The following ORC3 variants were observed in gnomAD, a reference collection of about 807,000 sequenced individuals.
ORC3 encodes origin recognition complex subunit 3, also known as homolog of latheo, Drosophila.
A neutral mutation model predicts 100.7 loss-of-function variants in ORC3; 78 were observed. The ratio of observed to expected loss-of-function variants is 0.77; its 90% CI spans 0.65 to 0.94. The LOEUF (loss-of-function observed/expected upper bound fraction) is 0.94, where lower values mean the gene tolerates loss of function less well. Ranked by LOEUF, ORC3 falls within the 40% of genes least tolerant of loss-of-function variation. The probability of loss-of-function intolerance (pLI) is 0.00; values close to 1 mark genes in which losing one functional copy is unlikely to be tolerated. For synonymous variants in ORC3, 295 were observed against 289.3 expected (o/e 1.02, Z -0.20); for missense variants, 789 against 823.9 (o/e 0.96, Z 0.52).
intron 13 of ORC3, among the ~76,000 whole-genome samples, chr6:87,643,073 CA>C (rs1304322800): frequency 1.9e-4 from 29 of 152,132 alleles, no homozygotes; most frequent in African/African-American, 7.0e-4. Context: ...AGGCTTGGGA[CA>C]GAATTGTTAA....
intron 16 of ORC3, among the ~76,000 whole-genome samples, chr6:87,658,735 C>G (rs960602874): frequency 6.6e-6 from 1 of 152,100 alleles, no homozygotes; most frequent in African/African-American, 2.4e-5. Context: ...CTATTTTATC[C>G]TGAAGAAAGA....
chr6:87,673,109 CA>C, the ORC3 span, among the ~76,000 whole-genome samples: 242 of 145,968 alleles, frequency 1.7e-3, 1 homozygote, highest in African/African-American at 5.9e-3. Flanking sequence ...AGGACTTTTG[CA>C]TAAGTGATAA....
chr6:87,651,222 C>G (rs189058822), intron 13 of ORC3: 44 of 456,228 alleles, frequency 9.6e-5, no homozygotes, highest in Non-Finnish European at 9.7e-5. Flanking sequence ...TCAAAGTGGA[C>G]AAGAGCTGTT....
chr6:87,627,066 C>T (rs931034484), intron 11 of ORC3, among the ~76,000 whole-genome samples: 1 of 151,534 alleles, frequency 6.6e-6, no homozygotes, highest in South Asian at 2.1e-4. Flanking sequence ...GGCGTTATCT[C>T]GGCTCACTGC....
chr6:87,634,218 G>GATTT (rs1012566331), intron 11 of ORC3, among the ~76,000 whole-genome samples: 1 of 151,906 alleles, frequency 6.6e-6, no homozygotes, highest in Non-Finnish European at 1.5e-5. Context: ...GTTGGCTTCA[G>GATTT]ATTTATTTAT....
chr6:87,677,054 G>C, the ORC3 span, among the ~76,000 whole-genome samples: 1 of 151,410 alleles, frequency 6.6e-6, no homozygotes, highest in South Asian at 2.1e-4. Flanking sequence ...TCCAGCCTTG[G>C]GTGACAGAGT....
chr6:87,626,805 T>G (rs1036540591), intron 11 of ORC3, among the ~76,000 whole-genome samples: 2 of 147,600 alleles, frequency 1.4e-5, no homozygotes, highest in Non-Finnish European at 3.0e-5. Flanking sequence ...AAAAAAAAAG[T>G]AGGATAATAA....
intron 4 of ORC3, among the ~76,000 whole-genome samples, chr6:87,604,241 T>G (rs1252965518): frequency 6.6e-6 from 1 of 152,214 alleles, no homozygotes; most frequent in African/African-American, 2.4e-5. Context: ...AGATTTGTTA[T>G]GCTAGTTAGC....
At chr6:87,626,342 T>C (rs554710286) in intron 11 of ORC3, among the ~76,000 whole-genome samples, 3 of 152,332 alleles carry the variant, frequency 2.0e-5, no homozygotes, top group East Asian at 1.9e-4. Flanking sequence ...TCCATTTGTT[T>C]GTGTCCTCTT....
the ORC3 span, among the ~76,000 whole-genome samples, chr6:87,676,596 A>AACACACGCACGCGCGCGCACATACAC: frequency 2.8e-5 from 4 of 142,046 alleles, no homozygotes; most frequent in African/African-American, 1.1e-4. Flanking sequence ...CTCTACTAAA[A>AACACACGCACGCGCGCGCACATACAC]ACACACACAC....
intron 8 of ORC3, among the ~76,000 whole-genome samples, chr6:87,613,810 G>C (rs960242428): frequency 6.6e-6 from 1 of 152,208 alleles, no homozygotes; most frequent in East Asian, 1.9e-4. Context: ...GCAAGAGGTG[G>C]GTTCCCATGG....
At chr6:87,602,954 A>ATATATATATATATATATATATAT (rs1554236515) in intron 3 of ORC3, among the ~76,000 whole-genome samples, 3 of 95,300 alleles carry the variant, frequency 3.1e-5, no homozygotes, top group Non-Finnish European at 6.2e-5. Flanking sequence ...ACACATATAT[A>ATATATATATATATATATATATAT]ATATATATAT....
At chr6:87,637,587 T>C (rs557098009) in intron 13 of ORC3, among the ~76,000 whole-genome samples, 18 of 152,316 alleles carry the variant, frequency 1.2e-4, no homozygotes, top group African/African-American at 4.1e-4. Flanking sequence ...AATATACCTA[T>C]CTTATATACC....
intron 4 of ORC3, 54 bp downstream of exon 4, chr6:87,603,582 A>T (rs1778127667): frequency 5.1e-6 from 6 of 1,181,340 alleles, no homozygotes; most frequent in Admixed American, 2.4e-5. Flanking sequence ...TCGTTTTTAA[A>T]TTTTTTTTTA....
At chr6:87,667,884 G>A, downstream of ORC3, among the ~76,000 whole-genome samples, 1 of 151,952 alleles carries the variant, frequency 6.6e-6, no homozygotes, top group East Asian at 1.9e-4. Flanking sequence ...AACTGAGATC[G>A]GCCACTGCAC....
intron 14 of ORC3, among the ~76,000 whole-genome samples, chr6:87,653,752 G>T (rs1190570824): frequency 6.6e-6 from 1 of 152,168 alleles, no homozygotes. Flanking sequence ...ACTTTAATCG[G>T]ATTTACAAAA....
chr6:87,604,044 AGG>A (rs1778162683), intron 4 of ORC3, among the ~76,000 whole-genome samples: 2 of 152,206 alleles, frequency 1.3e-5, no homozygotes, highest in African/African-American at 2.4e-5. Context: ...TTCAAATTGC[AGG>A]TTGTAAATTT....
intron 13 of ORC3, among the ~76,000 whole-genome samples, chr6:87,644,343 C>T (rs769995180): frequency 2.4e-4 from 29 of 119,762 alleles, no homozygotes; most frequent in African/African-American, 8.7e-4. Flanking sequence ...CTGCCTGCCT[C>T]GGCCTCCCAA....
intron 13 of ORC3, among the ~76,000 whole-genome samples, chr6:87,639,236 G>A (rs1768040011): frequency 6.6e-6 from 1 of 152,156 alleles, no homozygotes; most frequent in Admixed American, 6.5e-5. Flanking sequence ...AAGCTGACAT[G>A]TTTAAATAAC....
Sources: gnomAD v4.1 joint callset for allele counts (sites outside exome capture counted in the v4.1 genomes callset) on GRCh38, gnomAD v4.1.1 for gene constraint, MANE v1.5 for transcripts, NCBI Gene and HGNC (gene_info 2026-07-23, HGNC 2026-07-21) for gene names.